CCDC7: variants seen among roughly 807,000 people sequenced by gnomAD.
CCDC7 encodes the protein coiled-coil domain containing 7.
Under a neutral mutation model 196.9 loss-of-function variants are expected in CCDC7, and 183 were observed. That is an observed-to-expected ratio of 0.93 (90% CI 0.82 to 1.05). CCDC7 has a LOEUF of 1.05. CCDC7 is among the 50% of genes least tolerant of loss of function. CCDC7 has a pLI of 0.00. For synonymous variants in CCDC7, 525 were observed against 484.6 expected, an observed-to-expected ratio of 1.08 and a Z score of -1.10; for missense variants, 1,540 against 1,482.2, an observed-to-expected ratio of 1.04 and a Z score of -0.64.
chr10:32,732,895 G>T (rs1342911216), intron 28 of CCDC7, among the ~76,000 whole-genome samples: 5 of 151,900 alleles, frequency 3.3e-5, no homozygotes, highest in African/African-American at 1.2e-4. Context: ...CAACCTTTTT[G>T]TATTATTATA....
rs113131256 is a variant in CCDC7 at position 32,689,305 on chromosome 10, T to C, written c.2344+142T>C. On this transcript the variant is annotated intron_variant, in intron 23 of 41. Coordinates refer to ENST00000639629, the Ensembl canonical transcript of CCDC7. The stretch of plus-strand genomic sequence containing the variant: ...TAATTAAAGAAAAAAGTGAAAAATA[T>C]TGATACATTTTGGTTGAGAGATTTC... 6.1e-5 allele frequency: 35 copies of C among 574,030 alleles called. No homozygotes were observed. In the African/African-American group the frequency reaches 6.1e-4, roughly 10 times the overall value. The allele number at this position is 574,030 out of a possible 1,614,324, so 35.6% of individuals were successfully genotyped here.
chr10:32,832,234 G>A (rs547348295), intron 32 of CCDC7, among the ~76,000 whole-genome samples: 183 of 152,252 alleles, frequency 1.2e-3, no homozygotes, highest in African/African-American at 4.0e-3. Context: ...AGGTGCAGTG[G>A]CTCATGCTTG....
At chr10:32,684,726 T>G (rs902822911) in intron 21 of CCDC7, among the ~76,000 whole-genome samples, 10 of 152,242 alleles carry the variant, frequency 6.6e-5, no homozygotes, top group African/African-American at 2.4e-4. Flanking sequence ...TGGATTGTAT[T>G]GCAGTTCCAA....
chr10:32,543,206 A>G, intron 11 of CCDC7, 94 bp from the exon 13 acceptor site: 1 of 1,133,166 alleles, frequency 8.8e-7, no homozygotes, highest in African/African-American at 1.6e-5. Flanking sequence ...TGACTCTCAG[A>G]GTAAAATGTA....
chr10:32,874,674 T>TAC (rs560147234), intron 41 of CCDC7, among the ~76,000 whole-genome samples: 3,379 of 149,182 alleles, frequency 0.023, 147 homozygotes, highest in African/African-American at 0.078. Flanking sequence ...TATATATACA[T>TAC]ACACACACAC....
intron 28 of CCDC7, among the ~76,000 whole-genome samples, chr10:32,741,033 A>G (rs1185617781): frequency 6.6e-6 from 1 of 152,090 alleles, no homozygotes; most frequent in African/African-American, 2.4e-5. Flanking sequence ...TTATTATTTT[A>G]TACTATATAA....
intron 11 of CCDC7, among the ~76,000 whole-genome samples, chr10:32,541,008 T>A (rs1202448156): frequency 6.6e-6 from 1 of 152,046 alleles, no homozygotes; most frequent in Admixed American, 6.6e-5. Flanking sequence ...CAGGAACCAA[T>A]CAGTCATAGA....
chr10:32,861,731 A>AAAC (rs1565742884), intron 41 of CCDC7, among the ~76,000 whole-genome samples: 9 of 151,988 alleles, frequency 5.9e-5, no homozygotes, highest in African/African-American at 1.9e-4. Context: ...CAAGAAAAAA[A>AAAC]AATCCCATCA....
rs1333619510 is a variant in CCDC7 at position 32,511,268 on chromosome 10, G to GGT, written c.873-6676_873-6675insTG. On this transcript the variant is annotated intron_variant, in intron 9 of 41. Transcript: ENST00000639629. ...GAATTATTCTGTGGGGGGCGGGGGG[G>GGT]GCGGGGAAATGTACTTTTTGAATAT... 37 of 529,656 alleles carry GGT rather than the reference G, an allele frequency of 7.0e-5. 2 individuals carry two copies. The highest frequency in any genetic ancestry group is 1.2e-4 in the African/African-American group (5 of 42,262). 32.8% of individuals were successfully genotyped at this position (529,656 alleles called of 1,614,324 possible).
At chr10:32,529,487 G>T (rs547698810) in intron 11 of CCDC7, among the ~76,000 whole-genome samples, 2 of 152,224 alleles carry the variant, frequency 1.3e-5, no homozygotes, top group East Asian at 3.9e-4. Context: ...AGGTGGTATT[G>T]CATTGTGGTT....
Position 32,683,855 on chromosome 10 carries a change from AG to A in CCDC7, c.2123-2113del, listed in dbSNP as rs1206336466. ...CAAGGTCGGAAGGCCCTGCTTAGTA[AG>A]GAGTAGCAAGGCCTGGGACCTGCAT... On this transcript the variant is annotated intron_variant, in intron 21 of 41. Coordinates refer to ENST00000639629, the Ensembl canonical transcript of CCDC7. Among the ~76,000 whole-genome samples the A allele has an allele frequency of 5.3e-5, 8 of 152,282 alleles. No individual in the cohort carries two copies. The East Asian group carries it at 1.5e-3, about 29-fold the overall frequency.
intron 33 of CCDC7, among the ~76,000 whole-genome samples, chr10:32,844,226 C>CA (rs1441393221): frequency 6.6e-6 from 1 of 151,826 alleles, no homozygotes; most frequent in African/African-American, 2.4e-5. Flanking sequence ...TCAAATCTAG[C>CA]AAAAAATTCA....
intron 41 of CCDC7, among the ~76,000 whole-genome samples, chr10:32,855,124 T>A (rs900650713): frequency 4.6e-5 from 7 of 152,080 alleles, no homozygotes; most frequent in African/African-American, 1.2e-4. Context: ...TGTTAAGATA[T>A]CAGTACCACT....
At chr10:32,656,057 A>G (rs984213893) in intron 20 of CCDC7, among the ~76,000 whole-genome samples, 22 of 119,776 alleles carry the variant, frequency 1.8e-4, no homozygotes, top group Non-Finnish European at 1.8e-4. Context: ...GTTTAGTTTG[A>G]TACAATCTTA....
upstream of CCDC7, among the ~76,000 whole-genome samples, chr10:32,449,267 A>T (rs1204489098): frequency 6.6e-6 from 1 of 152,094 alleles, no homozygotes. Context: ...TGCTCACTGC[A>T]ACCTCTACCT....
In CCDC7 at chr10:32,624,177, C is replaced by G. The variant is rs556090340; in HGVS notation, c.1802-10077C>G. ...AAAATTCAACCACTTTTCACCACCT[C>G]CACCACTTTCACATTTACCATGTTA... On this transcript the variant is annotated intron_variant, in intron 18 of 41. Coordinates refer to ENST00000639629, the Ensembl canonical transcript of CCDC7. Among the ~76,000 whole-genome samples, 5 of 152,312 alleles carry G rather than the reference C, an allele frequency of 3.3e-5. 1 individual carries two copies. In the South Asian group the frequency reaches 1.0e-3, roughly 32 times the overall value.
At chr10:32,658,615 C>T (rs1364424936) in intron 20 of CCDC7, among the ~76,000 whole-genome samples, 2 of 152,058 alleles carry the variant, frequency 1.3e-5, no homozygotes, top group African/African-American at 4.8e-5. Context: ...ATATCAGTGT[C>T]CTTTGACAAA....
chr10:32,660,574 C>T (rs200511580), intron 20 of CCDC7, among the ~76,000 whole-genome samples: 10,641 of 141,334 alleles, frequency 0.075, 260 homozygotes, highest in East Asian at 0.15. Context: ...TGAATAATGC[C>T]GCAATAAACA....
At chr10:32,874,753 T>TACACACACACACACACACACACAC (rs3035173) in intron 41 of CCDC7, among the ~76,000 whole-genome samples, 1 of 145,344 alleles carries the variant, frequency 6.9e-6, no homozygotes, top group Admixed American at 6.9e-5. Context: ...CCAACATATC[T>TACACACACACACACACACACACAC]ACACACACAC....
Sources: gnomAD v4.1 joint callset for allele counts (sites outside exome capture counted in the v4.1 genomes callset) on GRCh38, gnomAD v4.1.1 for gene constraint, MANE v1.5 for transcripts, NCBI Gene and HGNC (gene_info 2026-07-23, HGNC 2026-07-21) for gene names.